FSTL4: variants seen among roughly 807,000 people sequenced by gnomAD.
FSTL4 encodes follistatin-related protein 4.
FSTL4 carries 28 observed loss-of-function variants against 78.2 expected under a neutral mutation model. The observed-to-expected ratio is 0.36, with a 90% confidence interval of 0.27 to 0.49. FSTL4 has a LOEUF of 0.49. Among genes scored for constraint, FSTL4 ranks in the 20% least tolerant of loss-of-function variants. The pLI is 0.98. For synonymous variants in FSTL4, 422 were observed against 440.5 expected, an observed-to-expected ratio of 0.96 and a Z score of 0.53; for missense variants, 922 against 1,084.9, an observed-to-expected ratio of 0.85 and a Z score of 2.11.
chr5:133,337,961 T>A (rs1468315512), intron 4 of FSTL4, among the ~76,000 whole-genome samples: 1 of 152,166 alleles, frequency 6.6e-6, no homozygotes, highest in Non-Finnish European at 1.5e-5. Flanking sequence ...TGCCTACAGA[T>A]CACTTAAAAT....
At chr5:133,256,982 G>A (rs1048529820) in intron 6 of FSTL4, among the ~76,000 whole-genome samples, 1 of 152,190 alleles carries the variant, frequency 6.6e-6, no homozygotes, top group African/African-American at 2.4e-5. Context: ...TCTCTGGTGT[G>A]AACAAACACC....
At chr5:133,642,810 A>C in the FSTL4 span, among the ~76,000 whole-genome samples, 2 of 152,246 alleles carry the variant, frequency 1.3e-5, no homozygotes, top group Non-Finnish European at 2.9e-5. Context: ...CAAGAAGACA[A>C]GGTCTAGTAT....
intron 7 of FSTL4, chr5:133,247,839 G>A: frequency 6.6e-6 from 1 of 152,490 alleles, no homozygotes; most frequent in Non-Finnish European, 1.5e-5. Context: ...CTCCTTGGCA[G>A]CTCTGCCCAG....
chr5:133,582,578 G>C (rs1459247273), intron 2 of FSTL4, among the ~76,000 whole-genome samples: 1 of 152,206 alleles, frequency 6.6e-6, no homozygotes, highest in Non-Finnish European at 1.5e-5. Context: ...ACTGTGGTCA[G>C]TAGGCAACAG....
intron 1 of FSTL4, among the ~76,000 whole-genome samples, chr5:133,606,408 C>T (rs961829039): frequency 3.3e-5 from 5 of 152,202 alleles, no homozygotes; most frequent in Admixed American, 2.0e-4. Flanking sequence ...GAATGAGCCA[C>T]CATGCCCAGC....
At chr5:133,615,370 T>C (rs1415060199), upstream of FSTL4, among the ~76,000 whole-genome samples, 3 of 152,264 alleles carry the variant, frequency 2.0e-5, no homozygotes, top group Admixed American at 6.5e-5. Context: ...GAGCCAGCCC[T>C]GTGCTTAGGA....
the FSTL4 span, among the ~76,000 whole-genome samples, chr5:133,740,153 G>C: frequency 0.38 from 57,314 of 151,910 alleles, 11,417 homozygotes; most frequent in East Asian, 0.66. Context: ...CAAAGTGCTG[G>C]GATTACAGGC....
the FSTL4 span, among the ~76,000 whole-genome samples, chr5:133,797,877 C>T: frequency 6.6e-6 from 1 of 152,174 alleles, no homozygotes; most frequent in Admixed American, 6.5e-5. Context: ...CCCAGCCAAC[C>T]TCCTGCTTCA....
the FSTL4 span, among the ~76,000 whole-genome samples, chr5:133,695,517 A>G: frequency 6.6e-6 from 1 of 152,222 alleles, no homozygotes; most frequent in South Asian, 2.1e-4. Flanking sequence ...CCACTCAAGC[A>G]GTCCCCTCCC....
At chr5:133,568,305 AGAG>A (rs1321118210) in intron 2 of FSTL4, among the ~76,000 whole-genome samples, 1 of 152,218 alleles carries the variant, frequency 6.6e-6, no homozygotes, top group Non-Finnish European at 1.5e-5. Context: ...CAACTAAAGA[AGAG>A]AAGAGAAAAC....
chr5:133,521,311 T>C (rs1354697832), intron 3 of FSTL4, among the ~76,000 whole-genome samples: 1 of 152,224 alleles, frequency 6.6e-6, no homozygotes, highest in Non-Finnish European at 1.5e-5. Context: ...GGCTGTCACT[T>C]GCTTCCCTGC....
At chr5:133,821,213 T>A in the FSTL4 span, among the ~76,000 whole-genome samples, 1,283 of 152,334 alleles carry the variant, frequency 8.4e-3, 14 homozygotes, top group African/African-American at 0.029. Context: ...AGTCACAGAA[T>A]TTCTTGAGGG....
At chr5:133,653,169 G>T in the FSTL4 span, among the ~76,000 whole-genome samples, 1 of 152,152 alleles carries the variant, frequency 6.6e-6, no homozygotes, top group Non-Finnish European at 1.5e-5. Context: ...AGAAGGAAGG[G>T]CCTTTAACAA....
chr5:133,639,563 G>C, the FSTL4 span, among the ~76,000 whole-genome samples: 1 of 152,194 alleles, frequency 6.6e-6, no homozygotes, highest in Non-Finnish European at 1.5e-5. Context: ...AGCAAACCCA[G>C]AGCTTTGAGT....
intron 4 of FSTL4, among the ~76,000 whole-genome samples, chr5:133,397,633 G>C (rs1176103597): frequency 6.6e-6 from 1 of 152,096 alleles, no homozygotes; most frequent in African/African-American, 2.4e-5. Context: ...GTCCTCAGGA[G>C]AACCCCCTCC....
At chr5:133,556,720 C>T (rs1255074547) in intron 3 of FSTL4, among the ~76,000 whole-genome samples, 1 of 152,098 alleles carries the variant, frequency 6.6e-6, no homozygotes. Context: ...AGGTCCATCC[C>T]CCATCCTGTG....
chr5:133,362,139 C>G (rs1481569732), intron 4 of FSTL4, among the ~76,000 whole-genome samples: 1 of 152,196 alleles, frequency 6.6e-6, no homozygotes, highest in African/African-American at 2.4e-5. Flanking sequence ...ATATGAGTTG[C>G]CAATTCCATA....
the FSTL4 span, among the ~76,000 whole-genome samples, chr5:133,790,976 T>A: frequency 6.6e-6 from 1 of 152,198 alleles, no homozygotes; most frequent in Non-Finnish European, 1.5e-5. Flanking sequence ...ATCTCACTGA[T>A]GGTAAAGTCC....
the FSTL4 span, among the ~76,000 whole-genome samples, chr5:133,816,344 T>C: frequency 1.3e-5 from 2 of 152,272 alleles, no homozygotes; most frequent in Non-Finnish European, 2.9e-5. Context: ...AGGTGGGCAG[T>C]CTACACTGTC....
Sources: gnomAD v4.1 joint callset for allele counts (sites outside exome capture counted in the v4.1 genomes callset) on GRCh38, gnomAD v4.1.1 for gene constraint, MANE v1.5 for transcripts, NCBI Gene and HGNC (gene_info 2026-07-23, HGNC 2026-07-21) for gene names.